The following ITGAV variants were observed in gnomAD, a reference collection of about 807,000 sequenced individuals.
ITGAV encodes integrin subunit alpha V, also known as integrin alpha-V.
Under a neutral mutation model 143.8 loss-of-function variants are expected in ITGAV, and 76 were observed. The ratio of observed to expected loss-of-function variants is 0.53; its 90% confidence interval spans 0.44 to 0.64. ITGAV has a LOEUF of 0.64. Among genes scored for constraint, ITGAV ranks in the 30% least tolerant of loss-of-function variants. ITGAV has a pLI of 0.00. For synonymous variants in ITGAV, 453 were observed against 446.7 expected (o/e 1.01, Z -0.18); for missense variants, 1,193 against 1,274.7 (o/e 0.94, Z 0.98).
At position 186,650,738 on chromosome 2, in the gene ITGAV, C is replaced by G. The variant is rs1410250723; in HGVS notation, c.1397+853C>G. ...TAATTTTATGTATTTTTGGTAGAGA[C>G]AGGGTCTTGCCATGTTATCTGGGCT... is the stretch of plus-strand genomic sequence containing the variant. On this transcript the variant is annotated intron_variant, in intron 14 of 29. Transcript: ENST00000261023. Among the ~76,000 whole-genome samples, 4 of 151,868 alleles carry G rather than the reference C, an allele frequency of 2.6e-5. No individual in the cohort carries two copies. The East Asian group carries it at 7.7e-4, about 29-fold the overall frequency.
At chr2:186,622,102 G>A (rs1402715137) in intron 2 of ITGAV, among the ~76,000 whole-genome samples, 1 of 152,094 alleles carries the variant, frequency 6.6e-6, no homozygotes, top group Non-Finnish European at 1.5e-5. Context: ...TCAATCATGT[G>A]TATTATGATA....
intron 7 of ITGAV, 88 bp downstream of exon 7, chr2:186,636,295 T>C (rs1687945197): frequency 1.9e-6 from 2 of 1,031,908 alleles, no homozygotes; most frequent in African/African-American, 1.6e-5. Flanking sequence ...AAAAATATTT[T>C]ATGTGAAATA....
intron 26 of ITGAV, among the ~76,000 whole-genome samples, chr2:186,673,156 C>T (rs939894640): frequency 2.6e-5 from 4 of 152,178 alleles, no homozygotes; most frequent in African/African-American, 9.7e-5. Context: ...CCTGTCTGAG[C>T]AACATTTGTT....
chr2:186,654,814 T>A, intron 16 of ITGAV, 106 bp downstream of exon 16: 1 of 560,108 alleles, frequency 1.8e-6, no homozygotes, highest in Non-Finnish European at 3.2e-6. Context: ...TATTATAATT[T>A]TTTATTTGAA....
chr2:186,639,359 G>C (rs541972211), intron 10 of ITGAV, among the ~76,000 whole-genome samples: 1 of 152,300 alleles, frequency 6.6e-6, no homozygotes. Context: ...CAGGCTGACT[G>C]ACTAGACTCA....
intron 1 of ITGAV, 78 bp downstream of exon 1, chr2:186,590,601 T>G: frequency 7.4e-7 from 1 of 1,346,200 alleles, no homozygotes; most frequent in East Asian, 2.6e-5. Context: ...CCATTGGGAT[T>G]GATTTCCGAG....
intron 4 of ITGAV, among the ~76,000 whole-genome samples, chr2:186,629,051 A>G (rs140101457): frequency 5.0e-4 from 76 of 152,246 alleles, no homozygotes; most frequent in African/African-American, 1.8e-3. Context: ...AAAATGCTTT[A>G]GCATAATACC....
At chr2:186,591,738 G>A (rs972167376) in intron 1 of ITGAV, among the ~76,000 whole-genome samples, 5 of 152,260 alleles carry the variant, frequency 3.3e-5, no homozygotes, top group Non-Finnish European at 5.9e-5. Flanking sequence ...AACAACCTTT[G>A]CAGCAATACA....
chr2:186,596,494 G>A (rs1195647124), intron 1 of ITGAV, among the ~76,000 whole-genome samples: 1 of 149,906 alleles, frequency 6.7e-6, no homozygotes, highest in Non-Finnish European at 1.5e-5. Context: ...CTGTTGCCCA[G>A]GCTAGAGTGC....
At chr2:186,664,237 T>G (rs1160672409) in intron 19 of ITGAV, among the ~76,000 whole-genome samples, 1 of 152,210 alleles carries the variant, frequency 6.6e-6, no homozygotes, top group Non-Finnish European at 1.5e-5. Context: ...AAAGTACATG[T>G]AATTCACTTC....
rs61762057 is a variant in ITGAV at position 186,658,595 on chromosome 2, A to G, written c.1720-443A>G. On this transcript the variant is annotated intron_variant, in intron 17 of 29. Coordinates refer to ENST00000261023, the MANE Select transcript of ITGAV (RefSeq NM_002210.5). ...ATGAAATAGTACTCAACAGTACAAA[A>G]TTAACGTAGGCTACATGCAATAGAA... Among the ~76,000 whole-genome samples the G allele has an allele frequency of 4.3e-3, 655 of 152,308 alleles. 7 individuals are homozygous for G. The highest frequency in any genetic ancestry group is 0.014 in the African/African-American group (595 of 41,580).
chr2:186,661,339 C>T (rs1173855730), intron 18 of ITGAV, among the ~76,000 whole-genome samples: 1 of 152,074 alleles, frequency 6.6e-6, no homozygotes, highest in African/African-American at 2.4e-5. Context: ...GAGAATTAAG[C>T]ATCAGCTTTT....
chr2:186,590,181 C>A lies in ITGAV; in HGVS notation c.-158C>A. 1 of 549,722 alleles carries A rather than the reference C, an allele frequency of 1.8e-6. No homozygotes were observed. The highest frequency in any genetic ancestry group is 2.8e-6 in the Non-Finnish European group (1 of 351,250). 34.1% of individuals were successfully genotyped at this position (549,722 alleles called of 1,614,324 possible). A position where few individuals can be genotyped will look rare whatever the true frequency, so the allele number is the denominator to read the frequency against. ...CCTGGCGGTCGCTCCGAAGCTCAGC[C>A]CTCTTGCCTGCCCCGGAGCTGTCCC... is the stretch of plus-strand genomic sequence containing the variant. On this transcript the variant is annotated 5_prime_UTR_variant, in exon 1 of 30. Coordinates refer to ENST00000261023, the MANE Select transcript of ITGAV (RefSeq NM_002210.5).
chr2:186,602,118 C>T lies in ITGAV; in HGVS notation c.283C>T (p.Arg95Cys), dbSNP rs199804238. 11 of 1,612,120 alleles carry T rather than the reference C, an allele frequency of 6.8e-6. No individual in the cohort carries two copies. The highest frequency in any genetic ancestry group is 1.1e-5 in the South Asian group (1 of 90,838). ...QVLKCDWSST[R>C]RCQPIEFDAT... is the part of the protein sequence containing the mutation. ...CCTCAAATGTGACTGGTCTTCTACC[C>T]GCCGGTGCCAGCCAATTGAATTTGA... is the stretch of plus-strand genomic sequence containing the variant. Residue 95 changes from arginine (R) to cysteine (C), a missense_variant, in exon 2 of 30, where the codon CGC becomes TGC. Physicochemically the swap from Arg to Cys is radical, Grantham distance 180. Transcript: ENST00000261023.
intron 6 of ITGAV, 79 bp downstream of exon 6, chr2:186,633,453 T>C: frequency 1.4e-6 from 1 of 718,262 alleles, no homozygotes; most frequent in Non-Finnish European, 2.4e-6. Context: ...CTATGACATT[T>C]TACAAATTAT....
In ITGAV at chr2:186,637,071, C is replaced by T. The variant is rs764439840; in HGVS notation, c.764C>T (p.Ser255Phe). 4 of 1,613,292 alleles carry T rather than the reference C, an allele frequency of 2.5e-6. No homozygotes were observed. In the African/African-American group the frequency reaches 5.3e-5, roughly 22 times the overall value. ...AIFDDSYLGY[S>F]VAVGDFNGDG... ...CCTTTGGTTTCCTGTTTAGGTTATT[C>T]TGTGGCTGTCGGAGATTTCAATGGT... Residue 255 changes from serine to phenylalanine, a missense_variant, in exon 8 of 30, where the codon TCT (serine) becomes TTT (phenylalanine). By Grantham distance (155) the Ser-to-Phe change is radical. Coordinates refer to ENST00000261023, the MANE Select transcript of ITGAV (RefSeq NM_002210.5).
chr2:186,598,045 A>G (rs1221514261), intron 1 of ITGAV, among the ~76,000 whole-genome samples: 1 of 152,044 alleles, frequency 6.6e-6, no homozygotes, highest in African/African-American at 2.4e-5. Flanking sequence ...ATGATCTACA[A>G]CACTAAGAAC....
In ITGAV at chr2:186,675,852, G is replaced by A. The variant is rs200299043; in HGVS notation, c.2853G>A (p.Lys951=). ...KENQNHSYSL[K]SSASFNVIEF... The stretch of plus-strand genomic sequence containing the variant: ...ATCAGAATCATTCCTATTCTCTGAA[G>A]TCGTCTGCTTCATTTAATGTCATAG... The change falls in exon 28 of 30, where the codon AAG becomes AAA. Residue 951 remains lysine (K), a synonymous_variant. Coordinates refer to ENST00000261023, the MANE Select transcript of ITGAV (RefSeq NM_002210.5). 1.6e-4 allele frequency: 256 copies of A among 1,608,212 alleles called. 1 individual carries two copies. The highest frequency in any genetic ancestry group is 1.7e-4 in the Admixed American group (10 of 59,474).
intron 7 of ITGAV, 110 bp from the exon 8 acceptor site, chr2:186,636,955 G>A (rs56136540): frequency 0.62 from 525,222 of 844,258 alleles, 165,500 homozygotes; most frequent in East Asian, 0.87. Context: ...ACAAAATATT[G>A]CATAAGTAAA....
Sources: allele counts gnomAD v4.1 joint callset (sites outside exome capture counted in the v4.1 genomes callset), GRCh38; gene constraint gnomAD v4.1.1; transcripts MANE v1.5; gene names NCBI Gene and HGNC (gene_info 2026-07-23, HGNC 2026-07-21).